The following TBC1D22B variants were observed in gnomAD, a reference collection of about 807,000 sequenced individuals.
TBC1D22B encodes chromosome 6 open reading frame 197.
In TBC1D22B, 32 loss-of-function variants were observed where a neutral mutation model predicts 69.1. The observed-to-expected ratio is 0.46, with a 90% CI of 0.35 to 0.62. The LOEUF (loss-of-function observed/expected upper bound fraction) is 0.62, where lower values mean the gene tolerates loss of function less well. TBC1D22B is among the 20% of genes least tolerant of loss of function. The probability of loss-of-function intolerance (pLI) is 0.00; values close to 1 mark genes in which losing one functional copy is unlikely to be tolerated. For synonymous variants in TBC1D22B, 206 were observed against 229.8 expected (o/e 0.90, Z 0.94); for missense variants, 462 against 630.9 (o/e 0.73, Z 2.87).
intron 12 of TBC1D22B, among the ~76,000 whole-genome samples, chr6:37,329,936 A>G (rs185626114): frequency 1.3e-5 from 2 of 152,230 alleles, no homozygotes; most frequent in Non-Finnish European, 2.9e-5. Flanking sequence ...TTTTGTGCCC[A>G]GCTACACTTC....
chr6:37,279,690 G>A (rs901997012), intron 3 of TBC1D22B, 79 bp downstream of exon 3: 6 of 1,417,964 alleles, frequency 4.2e-6, no homozygotes, highest in Non-Finnish European at 5.7e-6. Context: ...TTTCTTTGGG[G>A]CCTCACTCAG....
intron 3 of TBC1D22B, 118 bp downstream of exon 3, chr6:37,279,729 C>G (rs1766769338): frequency 9.1e-7 from 1 of 1,103,376 alleles, no homozygotes; most frequent in Admixed American, 2.7e-5. Context: ...GGTAAATAAA[C>G]TCAAGCCTGA....
intron 2 of TBC1D22B, among the ~76,000 whole-genome samples, chr6:37,277,981 A>G (rs541982038): frequency 2.4e-4 from 37 of 151,202 alleles, no homozygotes; most frequent in Non-Finnish European, 4.4e-4. Context: ...AAAAAAAGCT[A>G]GACATGGTGG....
intron 1 of TBC1D22B, among the ~76,000 whole-genome samples, chr6:37,266,674 G>T (rs765157173): frequency 6.6e-6 from 1 of 151,810 alleles, no homozygotes; most frequent in Non-Finnish European, 1.5e-5. Context: ...TGTTGGCCAG[G>T]CTGGTCTTGA....
rs555354175 is a variant in TBC1D22B, at chr6:37,324,574, G to A, written c.1390-6470G>A. On this transcript the variant is annotated intron_variant, in intron 12 of 12. Transcript: ENST00000373491. ...AGAAGGCTAACATATGCTTTGGATCGCTTGGCAGTGTGACACCAATATGGC... is the reference window on the plus strand; with the variant it reads ...AGAAGGCTAACATATGCTTTGGATCACTTGGCAGTGTGACACCAATATGGC... 1.8e-4 allele frequency among the ~76,000 whole-genome samples: 28 copies of A among 152,204 alleles called. No homozygotes were observed. The South Asian group carries it at 5.4e-3, about 29-fold the overall frequency.
chr6:37,330,222 C>CTTTTTTTTTTTTTTTTTTTT (rs67372032), intron 12 of TBC1D22B, among the ~76,000 whole-genome samples: 2 of 75,570 alleles, frequency 2.6e-5, no homozygotes, highest in Admixed American at 1.7e-4. Context: ...TTGTCCGTTT[C>CTTTTTTTTTTTTTTTTTTTT]TTTTTTTTTT....
chr6:37,326,346 C>A (rs1378404394), intron 12 of TBC1D22B, among the ~76,000 whole-genome samples: 1 of 137,648 alleles, frequency 7.3e-6, no homozygotes, highest in Non-Finnish European at 1.5e-5. Flanking sequence ...CTGCTGCACT[C>A]CAGCCTGGTG....
In TBC1D22B at chr6:37,325,996, A is replaced by G. The variant is rs540948738; in HGVS notation, c.1390-5048A>G. On this transcript the variant is annotated intron_variant, in intron 12 of 12. Coordinates refer to ENST00000373491, the MANE Select transcript of TBC1D22B (RefSeq NM_017772.4). ...TCCCTTGGGGGAAGTGGGGACATTC[A>G]CTTGTGCAGGGGTGGAATTATTTGG... is the stretch of plus-strand genomic sequence containing the variant. Among the ~76,000 whole-genome samples the G allele has an allele frequency of 2.6e-5, 4 of 152,104 alleles. No individual in the cohort carries two copies. The East Asian group carries it at 5.8e-4, about 22-fold the overall frequency.
chr6:37,321,964 G>T (rs1581633868), intron 12 of TBC1D22B, among the ~76,000 whole-genome samples: 1 of 152,220 alleles, frequency 6.6e-6, no homozygotes, highest in East Asian at 1.9e-4. Flanking sequence ...ACCCTCAAAA[G>T]GTTGGGAGGA....
At chr6:37,330,904 G>A in intron 12 of TBC1D22B, 140 bp from the exon 13 acceptor site, 1 of 819,898 alleles carries the variant, frequency 1.2e-6, no homozygotes, top group South Asian at 1.6e-5. Flanking sequence ...GTACTGTTTG[G>A]GAGGAAGGAG....
rs527655022 is a variant in TBC1D22B, at chr6:37,276,075, C to T, written c.114-3229C>T. 1.1e-4 allele frequency among the ~76,000 whole-genome samples: 16 copies of T among 151,754 alleles called. No homozygotes were observed. In the South Asian group the frequency reaches 3.3e-3, roughly 32 times the overall value. On this transcript the variant is annotated intron_variant, in intron 2 of 12. Coordinates refer to ENST00000373491, the MANE Select transcript of TBC1D22B (RefSeq NM_017772.4). ...TGCCTTCCGGGTTCAAGTGATTCTCCTGCCTCAGCCTCCTGAGTAGCTGGG... is the reference window on the plus strand; with the variant it reads ...TGCCTTCCGGGTTCAAGTGATTCTCTTGCCTCAGCCTCCTGAGTAGCTGGG...
At chr6:37,273,954 T>C (rs1766584327) in intron 2 of TBC1D22B, among the ~76,000 whole-genome samples, 1 of 152,230 alleles carries the variant, frequency 6.6e-6, no homozygotes, top group South Asian at 2.1e-4. Flanking sequence ...TCATCTAAAC[T>C]GCACAAGCAC....
chr6:37,284,530 G>A, intron 6 of TBC1D22B, 66 bp downstream of exon 6: 2 of 1,482,474 alleles, frequency 1.3e-6, no homozygotes, highest in Non-Finnish European at 1.8e-6. Context: ...TCATGGTAGT[G>A]CTCTCAGGGT....
Position 37,282,253 on chromosome 6 carries a change from G to A in TBC1D22B, c.490G>A (p.Val164Ile), listed in dbSNP as rs764721835. 11 of 1,613,898 alleles carry A rather than the reference G, an allele frequency of 6.8e-6. No individual in the cohort carries two copies. The South Asian group carries it at 8.8e-5, about 13-fold the overall frequency. ...SLPLRPIIPL[V>I]ARISDQNASG... ...CCCTCTCCGGCCCATCATCCCCCTC[G>A]TTGCCCGGATCTCGGATCAGAACGC... Residue 164 changes from valine (V) to isoleucine (I), a missense_variant, in exon 4 of 13, where the codon GTT (valine) becomes ATT (isoleucine). Physicochemically the swap from Val to Ile is conservative, Grantham distance 29. Around this residue, in one of 2 missense-constraint regions of TBC1D22B, gnomAD observed 237 missense variants for 255.4 expected, o/e 0.93. Coordinates refer to ENST00000373491, the MANE Select transcript of TBC1D22B (RefSeq NM_017772.4).
chr6:37,314,028 CCGGGA>C, intron 10 of TBC1D22B, 137 bp downstream of exon 10: 2 of 756,872 alleles, frequency 2.6e-6, no homozygotes, highest in Non-Finnish European at 4.6e-6. Flanking sequence ...GCTGGCAGCA[CCGGGA>C]TCCTTCCACA....
At chr6:37,306,651 G>T (rs1562060584) in intron 8 of TBC1D22B, among the ~76,000 whole-genome samples, 1 of 152,150 alleles carries the variant, frequency 6.6e-6, no homozygotes. Context: ...AAGTAATACA[G>T]CAACCTAAGG....
chr6:37,321,696 G>C (rs542293907), intron 12 of TBC1D22B, among the ~76,000 whole-genome samples: 1 of 152,284 alleles, frequency 6.6e-6, no homozygotes, highest in African/African-American at 2.4e-5. Context: ...GCAGCAGGGA[G>C]CCCCCAGGGC....
intron 12 of TBC1D22B, among the ~76,000 whole-genome samples, chr6:37,319,037 G>A (rs7740399): frequency 0.032 from 4,847 of 152,258 alleles, 238 homozygotes; most frequent in African/African-American, 0.11. Context: ...TGATCCCTGA[G>A]CATTACCACT....
intron 12 of TBC1D22B, among the ~76,000 whole-genome samples, chr6:37,323,392 T>C (rs1768305458): frequency 1.3e-5 from 2 of 152,002 alleles, no homozygotes; most frequent in Non-Finnish European, 2.9e-5. Context: ...TAGCCAGGCA[T>C]GGTGGCACAC....
Sources: allele counts gnomAD v4.1 joint callset (sites outside exome capture counted in the v4.1 genomes callset), GRCh38; gene constraint gnomAD v4.1.1; regional missense constraint gnomAD v4.1.1; transcripts MANE v1.5; gene names NCBI Gene and HGNC (gene_info 2026-07-23, HGNC 2026-07-21).